Variants in FILIP1L observed in about 807,000 individuals in gnomAD.
FILIP1L encodes filamin A-interacting protein 1-like.
In FILIP1L, 55 loss-of-function variants were observed where a neutral mutation model predicts 96.6. That is an observed-to-expected ratio of 0.57 (90% CI 0.46 to 0.71). The LOEUF (loss-of-function observed/expected upper bound fraction) is 0.71. Among genes scored for constraint, FILIP1L ranks in the 30% least tolerant of loss-of-function variants. The probability of loss-of-function intolerance (pLI) is 0.00; values close to 1 mark genes in which losing one functional copy is unlikely to be tolerated. For synonymous variants in FILIP1L, 467 were observed against 473.9 expected (o/e 0.99, Z 0.19); for missense variants, 1,304 against 1,321.2 (o/e 0.99, Z 0.20).
intron 1 of FILIP1L, among the ~76,000 whole-genome samples, chr3:99,991,308 C>T (rs1030551747): frequency 6.6e-6 from 1 of 152,030 alleles, no homozygotes; most frequent in Non-Finnish European, 1.5e-5. Flanking sequence ...GGGCACACAC[C>T]CTTCCAAAAG....
chr3:99,902,442 T>G (rs913705690), intron 4 of FILIP1L, among the ~76,000 whole-genome samples: 1 of 152,106 alleles, frequency 6.6e-6, no homozygotes, highest in Non-Finnish European at 1.5e-5. Context: ...TGAAAAAAGG[T>G]AGTGAAAATG....
Position 100,066,767 on chromosome 3 carries a change from G to A in FILIP1L, c.-11+47286C>T, listed in dbSNP as rs1489964924. Among the ~76,000 whole-genome samples the A allele has an allele frequency of 3.2e-5, 3 of 94,556 alleles. 1 individual carries two copies. The highest frequency in any genetic ancestry group is 1.0e-4 in the African/African-American group (3 of 29,000). The allele number at this position is 94,556 out of a possible 152,430, so 62.0% of individuals were successfully genotyped here. A position where few individuals can be genotyped will look rare whatever the true frequency, so the allele number is the denominator to read the frequency against. ...GGGATGGTCTCGATCTCCTGACCTC[G>A]TGATCCGCCCGCCTCGGCCTCCCAA... On this transcript the variant is annotated intron_variant, in intron 1 of 5. Coordinates refer to ENST00000477258, the MANE Select transcript of FILIP1L (RefSeq NM_001387850.1).
chr3:100,048,803 T>C (rs2065321118), intron 1 of FILIP1L, among the ~76,000 whole-genome samples: 1 of 152,222 alleles, frequency 6.6e-6, no homozygotes, highest in Non-Finnish European at 1.5e-5. Flanking sequence ...TAGGACATTT[T>C]CTTTCTGCTT....
rs763879422 is a variant in FILIP1L, at chr3:99,848,360, T to C, written c.3316A>G (p.Lys1106Glu). 1 of 1,614,178 alleles carries C rather than the reference T, an allele frequency of 6.2e-7. No individual in the cohort carries two copies. Among genetic ancestry groups the C allele is most frequent in the Non-Finnish European group, 8.5e-7 (1 of 1,180,006 alleles). Residue 1106 changes from lysine (K) to glutamate (E), a missense_variant, in exon 5 of 6, where the codon AAA (lysine) becomes GAA (glutamate). Transcript: ENST00000477258. The stretch of plus-strand genomic sequence containing the variant: ...GTGATAGTAATACTGCTGGTGACTT[T>C]ATTGGTTGTTTTGTTTAGTGCCCCG... Reference protein sequence around the residue: ...INGALNKTTNKVTSSITITPT... With the variant: ...INGALNKTTNEVTSSITITPT...
chr3:99,927,979 C>G (rs1423608277), intron 3 of FILIP1L, among the ~76,000 whole-genome samples: 1 of 152,106 alleles, frequency 6.6e-6, no homozygotes, highest in Non-Finnish European at 1.5e-5. Context: ...TAAATCACCT[C>G]TAGTTTACCC....
chr3:100,016,835 A>G (rs1002521593), intron 1 of FILIP1L, among the ~76,000 whole-genome samples: 1 of 152,238 alleles, frequency 6.6e-6, no homozygotes, highest in South Asian at 2.1e-4. Context: ...CTAGGAACAG[A>G]TGCAGATTTC....
chr3:100,013,993 T>C (rs551664439), intron 1 of FILIP1L, among the ~76,000 whole-genome samples: 112 of 152,194 alleles, frequency 7.4e-4, no homozygotes, highest in African/African-American at 2.6e-3. Context: ...TGCCCCTTGC[T>C]CCTGGCAACT....
chr3:100,003,617 G>C (rs989884520), intron 1 of FILIP1L, among the ~76,000 whole-genome samples: 1 of 152,016 alleles, frequency 6.6e-6, no homozygotes, highest in African/African-American at 2.4e-5. Flanking sequence ...TTTTTCCAGT[G>C]CATCACAAGT....
At chr3:99,880,316 G>A (rs937773658) in intron 4 of FILIP1L, among the ~76,000 whole-genome samples, 8 of 151,956 alleles carry the variant, frequency 5.3e-5, no homozygotes, top group Admixed American at 2.0e-4. Flanking sequence ...CCATATCTCC[G>A]CACTTAAACT....
At chr3:99,914,716 A>T (rs2107643205) in intron 4 of FILIP1L, among the ~76,000 whole-genome samples, 2 of 152,360 alleles carry the variant, frequency 1.3e-5, no homozygotes, top group East Asian at 3.9e-4. Context: ...CACATATAAG[A>T]ATTCTAAAAC....
chr3:100,021,341 C>T (rs955323768), intron 1 of FILIP1L, among the ~76,000 whole-genome samples: 16 of 152,098 alleles, frequency 1.1e-4, no homozygotes, highest in African/African-American at 3.9e-4. Flanking sequence ...CAACTTTATC[C>T]CCCTTGGTTT....
At chr3:99,938,333 C>T (rs1707755477) in intron 1 of FILIP1L, among the ~76,000 whole-genome samples, 2 of 152,168 alleles carry the variant, frequency 1.3e-5, no homozygotes, top group South Asian at 4.1e-4. Flanking sequence ...AAGCATGTAA[C>T]ATTTTATTAA....
At chr3:99,880,061 T>C (rs896293191) in intron 4 of FILIP1L, among the ~76,000 whole-genome samples, 1 of 152,170 alleles carries the variant, frequency 6.6e-6, no homozygotes, top group Non-Finnish European at 1.5e-5. Context: ...TCCGATCCTG[T>C]GCTTCTACTC....
At chr3:99,877,389 G>A (rs577604056) in intron 4 of FILIP1L, among the ~76,000 whole-genome samples, 4 of 152,140 alleles carry the variant, frequency 2.6e-5, no homozygotes, top group African/African-American at 9.7e-5. Context: ...AAGGATGTTT[G>A]CAGAGTTGTT....
chr3:99,950,474 G>A (rs1708142896), intron 1 of FILIP1L, among the ~76,000 whole-genome samples: 1 of 152,166 alleles, frequency 6.6e-6, no homozygotes, highest in Non-Finnish European at 1.5e-5. Context: ...CTATTCCTGA[G>A]ATTTTTTCAC....
chr3:99,964,922 C>T (rs1708602696), intron 1 of FILIP1L, among the ~76,000 whole-genome samples: 1 of 152,122 alleles, frequency 6.6e-6, no homozygotes, highest in African/African-American at 2.4e-5. Context: ...AATAGTTTCC[C>T]AGGCTTTAAG....
intron 1 of FILIP1L, among the ~76,000 whole-genome samples, chr3:100,113,214 A>G (rs903331889): frequency 6.6e-6 from 1 of 152,236 alleles, no homozygotes; most frequent in South Asian, 2.1e-4. Context: ...CTGAACACAT[A>G]TCTCTCTTCA....
At chr3:100,024,833 A>C (rs964156281) in intron 1 of FILIP1L, among the ~76,000 whole-genome samples, 2 of 152,120 alleles carry the variant, frequency 1.3e-5, no homozygotes, top group African/African-American at 4.8e-5. Context: ...GGTGGTTACA[A>C]GGCTTGCCCA....
At chr3:99,904,609 T>A (rs1271865167) in intron 4 of FILIP1L, among the ~76,000 whole-genome samples, 1 of 152,208 alleles carries the variant, frequency 6.6e-6, no homozygotes, top group African/African-American at 2.4e-5. Flanking sequence ...CTCTTTTTTT[T>A]GTTTTTTTGT....
Sources: gnomAD v4.1 joint callset for allele counts (sites outside exome capture counted in the v4.1 genomes callset) on GRCh38, gnomAD v4.1.1 for gene constraint, MANE v1.5 for transcripts, NCBI Gene and HGNC (gene_info 2026-07-23, HGNC 2026-07-21) for gene names.